The following GALR1 variants were observed in gnomAD, a reference collection of about 807,000 sequenced individuals.
GALR1 encodes the protein galanin receptor 1, also known as galanin receptor type 1.
In GALR1, 11 loss-of-function variants were observed where a neutral mutation model predicts 17.9. The ratio of observed to expected loss-of-function variants is 0.62; its 90% CI spans 0.39 to 1.02. The LOEUF (loss-of-function observed/expected upper bound fraction) is 1.02. Among genes scored for constraint, GALR1 ranks in the 50% least tolerant of loss-of-function variants. The probability of loss-of-function intolerance (pLI) is 0.01; values close to 1 mark genes in which losing one functional copy is unlikely to be tolerated. For synonymous variants in GALR1, 206 were observed against 205.7 expected (o/e 1.00, Z -0.01); for missense variants, 441 against 456.9 (o/e 0.97, Z 0.32).
At chr18:77,252,878 C>T (rs1599354095) in intron 1 of GALR1, among the ~76,000 whole-genome samples, 4 of 104,406 alleles carry the variant, frequency 3.8e-5, no homozygotes, top group Non-Finnish European at 6.1e-5. Context: ...ACCACCACCA[C>T]CATCACCACC....
At chr18:77,259,040 TG>T (rs1348774428) in intron 2 of GALR1, among the ~76,000 whole-genome samples, 2 of 10,724 alleles carry the variant, frequency 1.9e-4, no homozygotes, top group African/African-American at 1.6e-4. Context: ...GTGGTCATGA[TG>T]GTCATGGTGG....
rs763170392 is a variant in GALR1 at position 77,250,852 on chromosome 18, G to A, written c.304G>A (p.Val102Met). The A allele has an allele frequency of 1.2e-6, 2 of 1,612,772 alleles. No homozygotes were observed. Among genetic ancestry groups the A allele is most frequent in the East Asian group, 4.5e-5 (2 of 44,872 alleles). Residue 102 changes from valine to methionine, a missense_variant, in exon 1 of 3, where the codon GTG becomes ATG. Transcript: ENST00000299727. The stretch of plus-strand genomic sequence containing the variant: ...CACCGTGTACGCGCTGCCCACCTGG[G>A]TGCTGGGCGCCTTCATCTGCAAGTT... The part of the protein sequence containing the change: ...QATVYALPTW[V>M]LGAFICKFIH...
At chr18:77,268,152 G>A (rs1309326380) in intron 2 of GALR1, among the ~76,000 whole-genome samples, 1 of 152,080 alleles carries the variant, frequency 6.6e-6, no homozygotes, top group African/African-American at 2.4e-5. Context: ...CCTGCTCATA[G>A]AAGTGACTAT....
In GALR1 at chr18:77,271,974, TG is replaced by T. The variant is rs1599367400; in HGVS notation, c.*3077del. ...CTGACCGGGTATGTACTCAGCAACATGGGGGACTGAGGCCATTTTCTGAATA... is the reference window on the plus strand; with the variant it reads ...CTGACCGGGTATGTACTCAGCAACATGGGGACTGAGGCCATTTTCTGAATA... On this transcript the variant is annotated 3_prime_UTR_variant, in exon 3 of 3. Coordinates refer to ENST00000299727, the MANE Select transcript of GALR1 (RefSeq NM_001480.4). 6.6e-6 allele frequency: 1 copy of T among 151,300 alleles called. No individual in the cohort carries two copies. Among genetic ancestry groups the T allele is most frequent in the East Asian group, 1.9e-4 (1 of 5,170 alleles). The allele number at this position is 151,300 out of a possible 1,614,324, so 9.4% of individuals were successfully genotyped here.
rs1913064941 is a variant in GALR1 at position 77,271,524 on chromosome 18, C to G, written c.*2622C>G. On this transcript the variant is annotated 3_prime_UTR_variant, in exon 3 of 3. Transcript: ENST00000299727. ...GGAGTGTGTTGCGTTTGCCAAGCAT[C>G]TGCTTCCCAGCTAGATTTCCCCCTA... 1 of 152,186 alleles carries G rather than the reference C, an allele frequency of 6.6e-6. No individual in the cohort carries two copies. Among genetic ancestry groups the G allele is most frequent in the Non-Finnish European group, 1.5e-5 (1 of 68,038 alleles). The allele number at this position is 152,186 out of a possible 1,614,324, so 9.4% of individuals were successfully genotyped here. A position where few individuals can be genotyped will look rare whatever the true frequency, so the allele number is the denominator to read the frequency against.
At position 77,270,977 on chromosome 18, in the gene GALR1, G is replaced by A. The variant is rs923238524; in HGVS notation, c.*2075G>A. 6.6e-6 allele frequency: 1 copy of A among 152,200 alleles called. No individual in the cohort carries two copies. The highest frequency in any genetic ancestry group is 2.4e-5 in the African/African-American group (1 of 41,442). The allele number at this position is 152,200 out of a possible 1,614,324, so 9.4% of individuals were successfully genotyped here. A position where few individuals can be genotyped will look rare whatever the true frequency, so the allele number is the denominator to read the frequency against. On this transcript the variant is annotated 3_prime_UTR_variant, in exon 3 of 3. Transcript: ENST00000299727. ...AAACTCCAGAACAACTTCTTTGGGT[G>A]TGAACTCACAAAACTGTGTAAAGAA... is the stretch of plus-strand genomic sequence containing the variant.
At chr18:77,264,133 C>CAAAAAAAAAA (rs56102250) in intron 2 of GALR1, among the ~76,000 whole-genome samples, 1 of 57,268 alleles carries the variant, frequency 1.7e-5, no homozygotes, top group Non-Finnish European at 3.0e-5. Flanking sequence ...GACTCCATCT[C>CAAAAAAAAAA]AAAAAAAAAA....
chr18:77,257,876 T>A (rs1014736532), intron 2 of GALR1, among the ~76,000 whole-genome samples: 2 of 152,228 alleles, frequency 1.3e-5, no homozygotes, highest in Non-Finnish European at 2.9e-5. Flanking sequence ...CTCGTCAAAC[T>A]TTAACTGAGA....
rs565957143 is a variant in GALR1, at chr18:77,266,805, T to C, written c.733-1780T>C. Among the ~76,000 whole-genome samples the C allele has an allele frequency of 2.9e-4, 44 of 152,310 alleles. 1 individual carries two copies. The highest frequency in any genetic ancestry group is 1.2e-3 in the Admixed American group (19 of 15,294). On this transcript the variant is annotated intron_variant, in intron 2 of 2. Transcript: ENST00000299727. ...GTCACGAGAACAGCATGAAGGTAAC[T>C]GCCCCCATGATTCAATTACCTCTCA...
intron 2 of GALR1, among the ~76,000 whole-genome samples, chr18:77,259,821 G>A (rs954519521): frequency 4.0e-5 from 6 of 151,878 alleles, no homozygotes; most frequent in South Asian, 4.2e-4. Context: ...GGGAGGTGGC[G>A]GAGAGAGGGG....
chr18:77,250,556 T>G lies in GALR1; in HGVS notation c.8T>G (p.Leu3Arg), dbSNP rs1364551010. ...GGGACAGCCCCGCGGGCCATGGAGC[T>G]GGCGGTCGGGAACCTCAGCGAGGGC... Reference protein sequence around the residue: MELAVGNLSEGNA... With the variant: MERAVGNLSEGNA... Residue 3 changes from leucine (L) to arginine (R), a missense_variant, in exon 1 of 3, where the codon CTG becomes CGG. Physicochemically the swap from Leu to Arg is moderately radical, Grantham distance 102 (BLOSUM62 -2). Coordinates refer to ENST00000299727, the MANE Select transcript of GALR1 (RefSeq NM_001480.4). The G allele has an allele frequency of 3.3e-6, 5 of 1,529,098 alleles. No homozygotes were observed. The highest frequency in any genetic ancestry group is 4.4e-6 in the Non-Finnish European group (5 of 1,143,388). 94.7% of individuals were successfully genotyped at this position (1,529,098 alleles called of 1,614,324 possible). A position where few individuals can be genotyped will look rare whatever the true frequency, so the allele number is the denominator to read the frequency against.
intron 2 of GALR1, among the ~76,000 whole-genome samples, chr18:77,267,463 CG>C (rs1568144408): frequency 6.6e-6 from 1 of 152,148 alleles, no homozygotes; most frequent in Non-Finnish European, 1.5e-5. Flanking sequence ...TTCATAGAGT[CG>C]TAAAGGACAT....
Position 77,263,261 on chromosome 18 carries a change from A to G in GALR1, c.733-5324A>G, listed in dbSNP as rs537824458. Among the ~76,000 whole-genome samples, 16 of 152,354 alleles carry G rather than the reference A, an allele frequency of 1.1e-4. No homozygotes were observed. In the South Asian group the frequency reaches 3.1e-3, roughly 30 times the overall value. On this transcript the variant is annotated intron_variant, in intron 2 of 2. Coordinates refer to ENST00000299727, the MANE Select transcript of GALR1 (RefSeq NM_001480.4). ...TCCACTAATGGATAAATGGATTGAT[A>G]GAAGGCACTCCCTTAATATATGTGA...
intron 1 of GALR1, among the ~76,000 whole-genome samples, chr18:77,254,599 A>G (rs1912545107): frequency 6.6e-6 from 1 of 152,108 alleles, no homozygotes. Context: ...GTGGTTTCCC[A>G]TTGGGAAGGC....
At chr18:77,255,513 A>G (rs1256783983) in intron 1 of GALR1, among the ~76,000 whole-genome samples, 1 of 152,214 alleles carries the variant, frequency 6.6e-6, no homozygotes, top group Admixed American at 6.5e-5. Flanking sequence ...GGATTTGAAT[A>G]AAGAATGAAA....
In GALR1 at chr18:77,272,958, A is replaced by T. The variant is rs183448727; in HGVS notation, c.*4056A>T. 10 of 152,360 alleles carry T rather than the reference A, an allele frequency of 6.6e-5. No homozygotes were observed. Among genetic ancestry groups the T allele is most frequent in the African/African-American group, 2.4e-4 (10 of 41,576 alleles). The allele number at this position is 152,360 out of a possible 1,614,324, so 9.4% of individuals were successfully genotyped here. ...CATCTTTGATGGGGGCTGTATTTGC[A>T]TTAGGCAGAGGTGTCTAAGGAGAGT... is the stretch of plus-strand genomic sequence containing the variant. On this transcript the variant is annotated 3_prime_UTR_variant, in exon 3 of 3. Transcript: ENST00000299727.
In GALR1 at chr18:77,252,872, C is replaced by CCACCACCACCAT. The variant is rs1912456577; in HGVS notation, c.666+1666_666+1667insCCATCACCACCA. 1.4e-4 allele frequency among the ~76,000 whole-genome samples: 11 copies of CCACCACCACCAT among 76,408 alleles called. No homozygotes were observed. The Admixed American group carries it at 1.5e-3, about 10-fold the overall frequency. The allele number at this position is 76,408 out of a possible 152,430, so 50.1% of individuals were successfully genotyped here. A position where few individuals can be genotyped will look rare whatever the true frequency, so the allele number is the denominator to read the frequency against. On this transcript the variant is annotated intron_variant, in intron 1 of 2. Coordinates refer to ENST00000299727, the MANE Select transcript of GALR1 (RefSeq NM_001480.4). ...TCTCAAAACACCACCACCACCACCA[C>CCACCACCACCAT]CACCACCATCACCACCACCACCATC...
intron 2 of GALR1, among the ~76,000 whole-genome samples, chr18:77,259,186 G>T (rs1456808555): frequency 6.5e-5 from 1 of 15,434 alleles, no homozygotes; most frequent in African/African-American, 1.4e-4. Context: ...TGGTGGTGAT[G>T]ATGGTGGTGA....
At chr18:77,254,798 TTGAG>T (rs1357135217) in intron 1 of GALR1, among the ~76,000 whole-genome samples, 2 of 152,232 alleles carry the variant, frequency 1.3e-5, no homozygotes, top group Non-Finnish European at 2.9e-5. Context: ...TGTCAATGTA[TTGAG>T]TGTTTTCCCA....
Sources: gnomAD v4.1 joint callset for allele counts (sites outside exome capture counted in the v4.1 genomes callset) on GRCh38, gnomAD v4.1.1 for gene constraint, MANE v1.5 for transcripts, NCBI Gene and HGNC (gene_info 2026-07-23, HGNC 2026-07-21) for gene names.